Variants in TPO observed in about 807,000 individuals in gnomAD.
The protein encoded by TPO is thyroid peroxidase, also known as thyroid microsomal antigen.
TPO carries 78 observed loss-of-function variants against 96.9 expected under a neutral mutation model. That is an observed-to-expected ratio of 0.81 (90% CI 0.67 to 0.97). TPO has a LOEUF of 0.97. TPO is among the 50% of genes least tolerant of loss of function. The probability of loss-of-function intolerance (pLI) is 0.00; values close to 1 mark genes in which losing one functional copy is unlikely to be tolerated. For missense variants in TPO, 1,252 were observed against 1,274.8 expected (o/e 0.98, Z 0.27); for synonymous variants, 547 against 538.0 (o/e 1.02, Z -0.23).
At chr2:1,502,881 TC>T (rs1306366967) in intron 13 of TPO, among the ~76,000 whole-genome samples, 1 of 152,028 alleles carries the variant, frequency 6.6e-6, no homozygotes, top group Non-Finnish European at 1.5e-5. Context: ...GGGCCAAGCC[TC>T]CCCCGGGGTT....
Position 1,414,438 on chromosome 2 carries a change from G to A in TPO, c.30G>A (p.Thr10=), listed in dbSNP as rs28909989. The A allele has an allele frequency of 6.1e-3, 9,916 of 1,613,850 alleles. 43 individuals carry two copies. Among genetic ancestry groups the A allele is most frequent in the Non-Finnish European group, 7.8e-3 (9,203 of 1,179,850 alleles). ...GAGCGCTCGCTGTGCTGTCTGTCAC[G>A]CTGGTTATGGCCTGCACAGAAGCCT... is the stretch of plus-strand genomic sequence containing the variant. MRALAVLSV[T]LVMACTEAFF... Residue 10 remains threonine, a synonymous_variant, in exon 2 of 17, where the codon ACG becomes ACA. Transcript: ENST00000329066.
chr2:1,462,005 C>T (rs1668491040), intron 7 of TPO, among the ~76,000 whole-genome samples: 1 of 152,200 alleles, frequency 6.6e-6, no homozygotes, highest in African/African-American at 2.4e-5. Flanking sequence ...TGTCACTCTC[C>T]AGTGTCCTCC....
chr2:1,517,262 T>C (rs1409812458), intron 15 of TPO, among the ~76,000 whole-genome samples: 1 of 152,216 alleles, frequency 6.6e-6, no homozygotes, highest in Non-Finnish European at 1.5e-5. Flanking sequence ...TAACACTAAA[T>C]GATTGCATTG....
rs376340287 is a variant in TPO, at chr2:1,472,319, C to T, written c.820-4767C>T. 2.6e-5 allele frequency among the ~76,000 whole-genome samples: 4 copies of T among 152,088 alleles called. No individual in the cohort carries two copies. In the East Asian group the frequency reaches 5.8e-4, roughly 22 times the overall value. On this transcript the variant is annotated intron_variant, in intron 7 of 16. Transcript: ENST00000329066. Reference sequence around the variant, plus strand: ...CTATGTCCTTCCCTTGATCCAAATGCTCATGGTGTGTCCTTCTGATGATCT... The same window carrying T: ...CTATGTCCTTCCCTTGATCCAAATGTTCATGGTGTGTCCTTCTGATGATCT...
chr2:1,406,366 C>T (rs1171397372), intron 1 of TPO, among the ~76,000 whole-genome samples: 1 of 152,236 alleles, frequency 6.6e-6, no homozygotes, highest in African/African-American at 2.4e-5. Context: ...TTCCAGGGCA[C>T]CTGTGTTACA....
chr2:1,519,548 T>A (rs1344933858), intron 15 of TPO, among the ~76,000 whole-genome samples: 2 of 152,094 alleles, frequency 1.3e-5, no homozygotes, highest in Non-Finnish European at 2.9e-5. Flanking sequence ...TTAGATGGGG[T>A]GGTGGCAGGA....
Position 1,494,043 on chromosome 2 carries a change from C to A in TPO, c.2006+4C>A. On this transcript the variant is annotated splice_donor_region_variant and intron_variant, in intron 11 of 16. Transcript: ENST00000329066. ...AGGCTCTGCGGGACGGTGACTGGTA[C>A]GTTCCTATCCAGAGCGTCTTCCTTC... The A allele has an allele frequency of 6.2e-7, 1 of 1,613,248 alleles. No homozygotes were observed. The highest frequency in any genetic ancestry group is 8.5e-7 in the Non-Finnish European group (1 of 1,179,264).
intron 1 of TPO, among the ~76,000 whole-genome samples, chr2:1,386,196 T>C (rs551501199): frequency 6.6e-6 from 1 of 152,162 alleles, no homozygotes; most frequent in Non-Finnish European, 1.5e-5. Context: ...TTCTGTTGAT[T>C]TGGCGTGGAG....
At chr2:1,442,898 C>G (rs1666331020) in intron 5 of TPO, among the ~76,000 whole-genome samples, 1 of 152,160 alleles carries the variant, frequency 6.6e-6, no homozygotes. Context: ...TTCAAAGAGT[C>G]TGAGTCTTGA....
intron 13 of TPO, among the ~76,000 whole-genome samples, chr2:1,497,901 G>A (rs1283401171): frequency 6.6e-6 from 1 of 151,166 alleles, no homozygotes; most frequent in Non-Finnish European, 1.5e-5. Flanking sequence ...AAGAGTCCTG[G>A]AGCCAGTGCT....
In TPO at chr2:1,540,131, C is replaced by T. The variant is rs540291370; in HGVS notation, c.2619-463C>T. ...CTCCACCCTTGCTCCTCTGGGACGG[C>T]GCTTCCTCCCCCTCATCTCCAGGTC... On this transcript the variant is annotated intron_variant, in intron 15 of 16. Coordinates refer to ENST00000329066, the MANE Select transcript of TPO (RefSeq NM_001206744.2). Among the ~76,000 whole-genome samples the T allele has an allele frequency of 5.3e-5, 8 of 152,296 alleles. No homozygotes were observed. In the South Asian group the frequency reaches 1.2e-3, roughly 24 times the overall value.
chr2:1,397,564 G>C (rs754988978), intron 1 of TPO, among the ~76,000 whole-genome samples: 1 of 152,138 alleles, frequency 6.6e-6, no homozygotes, highest in Non-Finnish European at 1.5e-5. Flanking sequence ...GCCAGCTCTC[G>C]GCCCTCTGCT....
At chr2:1,390,142 T>G (rs528129776) in intron 1 of TPO, among the ~76,000 whole-genome samples, 11 of 144,388 alleles carry the variant, frequency 7.6e-5, no homozygotes, top group Non-Finnish European at 1.6e-4. Flanking sequence ...TTACATTAGG[T>G]ATTTCTCCTA....
intron 15 of TPO, among the ~76,000 whole-genome samples, chr2:1,534,279 G>C (rs1331498284): frequency 8.0e-6 from 1 of 124,396 alleles, no homozygotes. Flanking sequence ...CCCCCAATAT[G>C]AGCAACCTCC....
intron 1 of TPO, among the ~76,000 whole-genome samples, chr2:1,384,990 T>C (rs1190077535): frequency 2.0e-5 from 3 of 152,226 alleles, no homozygotes; most frequent in Non-Finnish European, 4.4e-5. Context: ...TTGTCTTTGG[T>C]TCTGTTTATA....
intron 1 of TPO, among the ~76,000 whole-genome samples, chr2:1,391,581 A>G (rs921994652): frequency 1.6e-4 from 24 of 152,164 alleles, no homozygotes; most frequent in African/African-American, 5.8e-4. Context: ...TGGGGATGGC[A>G]TTGAATCTAT....
rs984413678 is a variant in TPO at position 1,384,655 on chromosome 2, A to G, written n.180+10253A>G. Among the ~76,000 whole-genome samples, 151 of 152,290 alleles carry G rather than the reference A, an allele frequency of 9.9e-4. 2 individuals carry two copies. Among genetic ancestry groups the G allele is most frequent in the Non-Finnish European group, 1.7e-3 (114 of 68,014 alleles). Reference sequence around the variant, plus strand: ...CTAAATATACAATCATGTCATCTGCAAACAGGGACAATTTGACTTCCTCTT... The same window carrying G: ...CTAAATATACAATCATGTCATCTGCGAACAGGGACAATTTGACTTCCTCTT... On this transcript the variant is annotated intron_variant and non_coding_transcript_variant, in intron 1 of 5. Coordinates refer to the TPO transcript ENST00000497517.
At chr2:1,409,138 G>A (rs377028227), upstream of TPO, among the ~76,000 whole-genome samples, 4 of 152,072 alleles carry the variant, frequency 2.6e-5, no homozygotes, top group South Asian at 4.2e-4. Context: ...ACAGACTGCC[G>A]TCCCCAGAGT....
At chr2:1,375,769 C>T (rs1312959166) in intron 1 of TPO, among the ~76,000 whole-genome samples, 1 of 152,134 alleles carries the variant, frequency 6.6e-6, no homozygotes. Context: ...ACCCTCATTT[C>T]CAACCCTGCA....
Sources: gnomAD v4.1 joint callset for allele counts (sites outside exome capture counted in the v4.1 genomes callset) on GRCh38, gnomAD v4.1.1 for gene constraint, MANE v1.5 for transcripts, NCBI Gene and HGNC (gene_info 2026-07-23, HGNC 2026-07-21) for gene names.